SLC17A4: variants seen among roughly 807,000 people sequenced by gnomAD.
SLC17A4 encodes the protein probable small intestine urate exporter.
Under a neutral mutation model 52.5 loss-of-function variants are expected in SLC17A4, and 33 were observed. The observed-to-expected ratio is 0.63, with a 90% CI of 0.48 to 0.84. The LOEUF is 0.84. Among genes scored for constraint, SLC17A4 ranks in the 40% least tolerant of loss-of-function variants. The probability of loss-of-function intolerance (pLI) is 0.00; values close to 1 mark genes in which losing one functional copy is unlikely to be tolerated. For missense variants in SLC17A4, 585 were observed against 597.1 expected, an observed-to-expected ratio of 0.98 and a Z score of 0.21; for synonymous variants, 225 against 216.2, an observed-to-expected ratio of 1.04 and a Z score of -0.36.
At chr6:25,757,255 A>G (rs1006660058) in intron 1 of SLC17A4, among the ~76,000 whole-genome samples, 3 of 152,160 alleles carry the variant, frequency 2.0e-5, no homozygotes, top group African/African-American at 7.2e-5. Context: ...GCACCAAAGG[A>G]TCAGGTCTAT....
chr6:25,756,764 C>A (rs1437253269), intron 1 of SLC17A4, among the ~76,000 whole-genome samples: 2 of 152,160 alleles, frequency 1.3e-5, no homozygotes, highest in African/African-American at 2.4e-5. Flanking sequence ...GAAAGCACAA[C>A]ATTGCATTCA....
chr6:25,777,719 T>C, intron 10 of SLC17A4: 1 of 530,040 alleles, frequency 1.9e-6, no homozygotes, highest in Non-Finnish European at 3.4e-6. Flanking sequence ...CACAGGATTA[T>C]ACTAATCATT....
In SLC17A4 at chr6:25,776,726, T is replaced by C; in HGVS notation, c.1119T>C (p.Ile373=). ...CCATCAGGAAACTCTTCACTGCCAT[T>C]GGTAAGGGAGAGACTGGACACAGGG... ...LITIRKLFTA[I]GVLFPSVILV... Residue 373 remains isoleucine, a splice_region_variant and synonymous_variant, in exon 9 of 12, where the codon ATT becomes ATC. Coordinates refer to ENST00000377905, the MANE Select transcript of SLC17A4 (RefSeq NM_005495.3). 6.2e-7 allele frequency: 1 copy of C among 1,613,954 alleles called. No individual in the cohort carries two copies.
rs9358890 is a variant in SLC17A4, at chr6:25,779,164, A to G, written c.1470A>G (p.Lys490=). ...FGRADVQDWA[K]EQTFTHL ...GAGCAGATGTGCAGGACTGGGCTAA[A>G]GAGCAGACATTCACCCACCTCTGAG... Residue 490 remains lysine (K), a synonymous_variant, in exon 12 of 12, where the codon AAA becomes AAG. Transcript: ENST00000377905. The G allele has an allele frequency of 0.075, 120,631 of 1,613,766 alleles. 12,323 individuals carry two copies. Among genetic ancestry groups the G allele is most frequent in the East Asian group, 0.56 (25,016 of 44,860 alleles).
intron 2 of SLC17A4, among the ~76,000 whole-genome samples, chr6:25,766,954 A>T (rs1207909825): frequency 6.6e-6 from 1 of 152,222 alleles, no homozygotes; most frequent in Non-Finnish European, 1.5e-5. Context: ...AGAGATCTGA[A>T]TAAACTGTGG....
At chr6:25,757,190 T>C (rs754378954) in intron 1 of SLC17A4, among the ~76,000 whole-genome samples, 2 of 152,238 alleles carry the variant, frequency 1.3e-5, no homozygotes, top group African/African-American at 2.4e-5. Context: ...AGTTGCTTAC[T>C]TACCAGCTTT....
intron 1 of SLC17A4, among the ~76,000 whole-genome samples, chr6:25,758,999 C>T (rs945657646): frequency 3.9e-5 from 6 of 152,082 alleles, no homozygotes; most frequent in African/African-American, 9.7e-5. Flanking sequence ...GGTTATGTCA[C>T]GGTTGTCGTT....
chr6:25,777,968 C>T lies in SLC17A4; in HGVS notation c.1311C>T (p.His437=). The change falls in exon 11 of 12, where the codon CAC becomes CAT. Residue 437 remains histidine, a synonymous_variant. Transcript: ENST00000377905. ...FLKGLLQVFA[H]IAGAISPTAA... ...AAGGACTATTGCAAGTCTTTGCACA[C>T]ATAGCTGGAGCCATCTCTCCTACTG... 1 of 1,613,168 alleles carries T rather than the reference C, an allele frequency of 6.2e-7. No homozygotes were observed. Among genetic ancestry groups the T allele is most frequent in the Non-Finnish European group, 8.5e-7 (1 of 1,179,666 alleles).
intron 3 of SLC17A4, 41 bp from the exon 4 acceptor site, chr6:25,770,026 C>A: frequency 6.3e-7 from 1 of 1,581,774 alleles, no homozygotes; most frequent in South Asian, 1.1e-5. Context: ...AACTGTCAAT[C>A]CTTCAACTAA....
At chr6:25,778,147 C>A in intron 11 of SLC17A4, 131 bp downstream of exon 11, 1 of 611,202 alleles carries the variant, frequency 1.6e-6, no homozygotes. Context: ...TACATGATGA[C>A]TTAAGAATTA....
chr6:25,771,111 T>C (rs1762445721), intron 6 of SLC17A4, 99 bp downstream of exon 6: 1 of 983,606 alleles, frequency 1.0e-6, no homozygotes, highest in Admixed American at 1.8e-5. Flanking sequence ...GATATTTACA[T>C]AGCTAAAGCT....
intron 2 of SLC17A4, among the ~76,000 whole-genome samples, chr6:25,765,551 GA>G: frequency 6.6e-6 from 1 of 152,078 alleles, no homozygotes; most frequent in Non-Finnish European, 1.5e-5. Context: ...TCTCAATAAT[GA>G]CAATAACAAT....
At chr6:25,766,445 T>C (rs112544908) in intron 2 of SLC17A4, among the ~76,000 whole-genome samples, 2,483 of 152,286 alleles carry the variant, frequency 0.016, 39 homozygotes, top group Middle Eastern at 0.037. Flanking sequence ...GCTCCTTAAG[T>C]GTGACTGGTG....
Position 25,779,637 on chromosome 6 carries a change from A to G in SLC17A4, c.*449A>G, listed in dbSNP as rs1763206811. ...TGAAAAATGTCAAGGAGGAAAGAAC[A>G]ATAATGATTCCATCATGATAAGAGG... On this transcript the variant is annotated 3_prime_UTR_variant, in exon 12 of 12. Coordinates refer to ENST00000377905, the MANE Select transcript of SLC17A4 (RefSeq NM_005495.3). The G allele has an allele frequency of 6.4e-6, 1 of 156,762 alleles. No individual in the cohort carries two copies. Among genetic ancestry groups the G allele is most frequent in the African/African-American group, 2.4e-5 (1 of 41,544 alleles). 9.7% of individuals were successfully genotyped at this position (156,762 alleles called of 1,614,324 possible).
chr6:25,770,876 G>C, intron 5 of SLC17A4, 50 bp from the exon 6 acceptor site: 3 of 1,410,104 alleles, frequency 2.1e-6, no homozygotes, highest in Non-Finnish European at 3.0e-6. Context: ...AGCACATAGA[G>C]CCCCAAGACG....
chr6:25,764,306 A>G (rs1761815934), intron 2 of SLC17A4, among the ~76,000 whole-genome samples: 1 of 152,150 alleles, frequency 6.6e-6, no homozygotes, highest in African/African-American at 2.4e-5. Context: ...AGGCACTGAG[A>G]ACAATATCAG....
At chr6:25,774,257 A>T (rs1762716149) in intron 8 of SLC17A4, among the ~76,000 whole-genome samples, 1 of 152,238 alleles carries the variant, frequency 6.6e-6, no homozygotes, top group Non-Finnish European at 1.5e-5. Context: ...TTCACAAAAT[A>T]GACAGATACT....
At position 25,776,667 on chromosome 6, in the gene SLC17A4, T is replaced by A. The variant is rs149342678; in HGVS notation, c.1060T>A (p.Phe354Ile). 45 of 1,613,822 alleles carry A rather than the reference T, an allele frequency of 2.8e-5. No individual in the cohort carries two copies. The African/African-American group carries it at 5.1e-4, about 18-fold the overall frequency. Residue 354 changes from phenylalanine to isoleucine, a missense_variant, in exon 9 of 12, where the codon TTT (phenylalanine) becomes ATT (isoleucine). Physicochemically the swap from Phe to Ile is conservative, Grantham distance 21. Coordinates refer to ENST00000377905, the MANE Select transcript of SLC17A4 (RefSeq NM_005495.3). ...TATCCTTGGAGGTCTACTGGCAGAC[T>A]TTCTTCTCTCCAGAAAAATCCTCAG... is the stretch of plus-strand genomic sequence containing the variant. The part of the protein sequence containing the change: ...CIILGGLLAD[F>I]LLSRKILRLI...
At chr6:25,766,561 C>T (rs1391946289) in intron 2 of SLC17A4, among the ~76,000 whole-genome samples, 1 of 151,982 alleles carries the variant, frequency 6.6e-6, no homozygotes, top group African/African-American at 2.4e-5. Context: ...ACCTGACAAA[C>T]ACTACCTCAA....
Sources: allele counts gnomAD v4.1 joint callset (sites outside exome capture counted in the v4.1 genomes callset), GRCh38; gene constraint gnomAD v4.1.1; transcripts MANE v1.5; gene names NCBI Gene and HGNC (gene_info 2026-07-23, HGNC 2026-07-21).